The following XYLB variants were observed in gnomAD, a reference collection of about 807,000 sequenced individuals.
XYLB encodes the protein xylulose kinase.
Under a neutral mutation model 78.7 loss-of-function variants are expected in XYLB, and 62 were observed. The observed-to-expected ratio is 0.79, with a 90% confidence interval of 0.64 to 0.97. XYLB has a LOEUF of 0.97. XYLB is among the 50% of genes least tolerant of loss of function. The pLI is 0.00. For missense variants in XYLB, 687 were observed against 676.8 expected, an observed-to-expected ratio of 1.02 and a Z score of -0.17; for synonymous variants, 245 against 247.4, an observed-to-expected ratio of 0.99 and a Z score of 0.09.
At chr3:38,378,065 C>G (rs923630096) in intron 14 of XYLB, among the ~76,000 whole-genome samples, 1 of 152,084 alleles carries the variant, frequency 6.6e-6, no homozygotes, top group Non-Finnish European at 1.5e-5. Flanking sequence ...GTAAGACACT[C>G]TGTCTGGAAA....
chr3:38,382,078 T>A (rs1398110829), intron 15 of XYLB, among the ~76,000 whole-genome samples: 1 of 152,224 alleles, frequency 6.6e-6, no homozygotes, highest in Non-Finnish European at 1.5e-5. Context: ...TCTTTTGTAC[T>A]CTGTCCCTTT....
intron 4 of XYLB, among the ~76,000 whole-genome samples, chr3:38,364,017 C>G (rs1453276825): frequency 2.0e-5 from 3 of 152,176 alleles, no homozygotes; most frequent in Non-Finnish European, 4.4e-5. Flanking sequence ...GTCCACTTCT[C>G]TCTCCCGAAT....
intron 18 of XYLB, 26 bp from the exon 19 acceptor site, chr3:38,412,910 C>T (rs1335154186): frequency 6.3e-7 from 1 of 1,596,948 alleles, no homozygotes; most frequent in Non-Finnish European, 8.5e-7. Flanking sequence ...CCCCTCTGTT[C>T]TAAACTGCTT....
At chr3:38,441,678 AC>A in the XYLB span, among the ~76,000 whole-genome samples, 2 of 152,190 alleles carry the variant, frequency 1.3e-5, no homozygotes, top group African/African-American at 4.8e-5. Flanking sequence ...TATGCCATTT[AC>A]ACCATGAGTA....
At chr3:38,348,693 AC>A in intron 2 of XYLB, 61 bp downstream of exon 2, 7 of 1,516,840 alleles carry the variant, frequency 4.6e-6, no homozygotes, top group Non-Finnish European at 6.4e-6. Context: ...CCTCCCGCAA[AC>A]TTTTGTATTC....
At chr3:38,377,878 C>T (rs1040218613) in intron 14 of XYLB, among the ~76,000 whole-genome samples, 3 of 152,188 alleles carry the variant, frequency 2.0e-5, no homozygotes, top group Non-Finnish European at 4.4e-5. Context: ...CCATTCCTCT[C>T]TGGCTCTGAA....
chr3:38,418,229 A>G (rs1268757000), downstream of XYLB, among the ~76,000 whole-genome samples: 1 of 151,048 alleles, frequency 6.6e-6, no homozygotes, highest in Admixed American at 6.6e-5. Context: ...ATATATATGT[A>G]TGTATGTATC....
At chr3:38,442,932 A>T in the XYLB span, among the ~76,000 whole-genome samples, 4 of 152,038 alleles carry the variant, frequency 2.6e-5, no homozygotes, top group Non-Finnish European at 5.9e-5. Flanking sequence ...TTCCCTCCTT[A>T]AGCAGGGGAC....
chr3:38,412,340 G>T (rs768678771), intron 18 of XYLB, among the ~76,000 whole-genome samples: 9 of 152,174 alleles, frequency 5.9e-5, no homozygotes, highest in Non-Finnish European at 1.2e-4. Context: ...GAGGCAAAGA[G>T]ACCCTCTCCT....
chr3:38,412,135 C>T lies in XYLB; in HGVS notation c.1534-801C>T, dbSNP rs1376805536. On this transcript the variant is annotated intron_variant, in intron 18 of 18. Transcript: ENST00000207870. ...CCTCTCGAGTAGTTGGGATTACAGGCACCTGCCACCACACCCAGCTAATTT... is the reference window on the plus strand; with the variant it reads ...CCTCTCGAGTAGTTGGGATTACAGGTACCTGCCACCACACCCAGCTAATTT... Among the ~76,000 whole-genome samples the T allele has an allele frequency of 3.9e-5, 6 of 152,152 alleles. No individual in the cohort carries two copies. In the East Asian group the frequency reaches 9.7e-4, roughly 25 times the overall value.
the XYLB span, among the ~76,000 whole-genome samples, chr3:38,444,454 A>G: frequency 5.9e-5 from 9 of 152,330 alleles, no homozygotes; most frequent in African/African-American, 2.2e-4. Flanking sequence ...CTCCTGTGGA[A>G]TGAAAATTGC....
At chr3:38,437,032 TAATAATAATAATAAC>T in the XYLB span, among the ~76,000 whole-genome samples, 17 of 145,874 alleles carry the variant, frequency 1.2e-4, no homozygotes, top group Non-Finnish European at 3.0e-5. Context: ...ATAATAATAA[TAATAATAATAATAAC>T]AAAAACCAAA....
chr3:38,417,588 A>G (rs1403904429), downstream of XYLB, among the ~76,000 whole-genome samples: 1 of 152,196 alleles, frequency 6.6e-6, no homozygotes, highest in Non-Finnish European at 1.5e-5. Context: ...GTTGCTCAAA[A>G]GACAGTTTCT....
At chr3:38,393,506 G>T (rs970576012) in intron 15 of XYLB, among the ~76,000 whole-genome samples, 2 of 152,164 alleles carry the variant, frequency 1.3e-5, no homozygotes, top group Non-Finnish European at 2.9e-5. Flanking sequence ...AAAAACTGTT[G>T]TATTATTGTG....
chr3:38,365,842 G>T, intron 6 of XYLB, 106 bp downstream of exon 6: 7 of 1,437,932 alleles, frequency 4.9e-6, no homozygotes, highest in Non-Finnish European at 6.4e-6. Context: ...TGGAGGTGTT[G>T]TGGAGCCAGC....
intron 18 of XYLB, among the ~76,000 whole-genome samples, chr3:38,408,931 A>T (rs1708453487): frequency 6.6e-6 from 1 of 152,250 alleles, no homozygotes; most frequent in South Asian, 2.1e-4. Flanking sequence ...GACCAGATGG[A>T]TTCACAGCCG....
intron 2 of XYLB, among the ~76,000 whole-genome samples, chr3:38,353,591 G>A (rs190394468): frequency 1.3e-4 from 20 of 152,138 alleles, no homozygotes; most frequent in East Asian, 3.9e-4. Context: ...GATTACAGGC[G>A]TGAACCACCA....
downstream of XYLB, among the ~76,000 whole-genome samples, chr3:38,424,871 AC>A (rs1242318544): frequency 5.9e-5 from 9 of 152,212 alleles, no homozygotes; most frequent in African/African-American, 1.9e-4. Flanking sequence ...CTCTTCCAGG[AC>A]CTTTGACTGC....
the XYLB span, among the ~76,000 whole-genome samples, chr3:38,446,325 C>T: frequency 6.6e-6 from 1 of 152,208 alleles, no homozygotes; most frequent in East Asian, 1.9e-4. Flanking sequence ...TCTAGGTAAC[C>T]ACAGAATGCT....
Sources: allele counts gnomAD v4.1 joint callset (sites outside exome capture counted in the v4.1 genomes callset), GRCh38; gene constraint gnomAD v4.1.1; transcripts MANE v1.5; gene names NCBI Gene and HGNC (gene_info 2026-07-23, HGNC 2026-07-21).